The following POGLUT3 variants were observed in gnomAD, a reference collection of about 807,000 sequenced individuals.
POGLUT3 encodes the protein protein O-glucosyltransferase 3.
In POGLUT3, 48 loss-of-function variants were observed where a neutral mutation model predicts 54.3. The observed-to-expected ratio is 0.88, with a 90% CI of 0.70 to 1.12. The LOEUF (loss-of-function observed/expected upper bound fraction) is 1.12, where lower values mean the gene tolerates loss of function less well. POGLUT3 is among the 50% of genes most tolerant of loss of function. The pLI is 0.00. For missense variants in POGLUT3, 629 were observed against 618.7 expected, an observed-to-expected ratio of 1.02 and a Z score of -0.18; for synonymous variants, 218 against 237.4, an observed-to-expected ratio of 0.92 and a Z score of 0.75.
At position 108,481,986 on chromosome 11, in the gene POGLUT3, C is replaced by G; in HGVS notation, c.901+20G>C. The G allele has an allele frequency of 6.4e-7, 1 of 1,569,614 alleles. No homozygotes were observed. The highest frequency in any genetic ancestry group is 8.8e-7 in the Non-Finnish European group (1 of 1,141,192). ...TCTAAGCTTTTTCTTCATTAATTAG[C>G]CTTGCATTTCCCTGAATACCTGTAT... On this transcript the variant is annotated intron_variant, in intron 4 of 7. Coordinates refer to ENST00000323468, the MANE Select transcript of POGLUT3 (RefSeq NM_153705.5).
chr11:108,495,433 A>T (rs1413483212), intron 1 of POGLUT3, among the ~76,000 whole-genome samples: 1 of 152,204 alleles, frequency 6.6e-6, no homozygotes, highest in Non-Finnish European at 1.5e-5. Context: ...GGCCTCCCAA[A>T]GTGCTGAGAT....
chr11:108,481,495 A>C, intron 4 of POGLUT3, 119 bp from the exon 5 acceptor site: 21 of 769,916 alleles, frequency 2.7e-5, no homozygotes, highest in Non-Finnish European at 3.4e-5. Context: ...TTATCAACTC[A>C]TCTTCTAAAG....
chr11:108,486,567 A>C, intron 2 of POGLUT3, 127 bp from the exon 3 acceptor site: 1 of 890,826 alleles, frequency 1.1e-6, no homozygotes, highest in East Asian at 2.6e-5. Context: ...TAGACAAATC[A>C]GTGGTGTAAG....
intron 2 of POGLUT3, among the ~76,000 whole-genome samples, chr11:108,489,923 T>A (rs908796018): frequency 2.0e-5 from 3 of 152,074 alleles, no homozygotes; most frequent in African/African-American, 7.2e-5. Context: ...TCTCACTCTG[T>A]CCCCCAGGCC....
intron 4 of POGLUT3, 87 bp downstream of exon 4, chr11:108,481,919 T>C: frequency 1.0e-6 from 1 of 998,748 alleles, no homozygotes; most frequent in East Asian, 2.4e-5. Context: ...CTTTTTCTAA[T>C]ATGCTACTGA....
intron 1 of POGLUT3, among the ~76,000 whole-genome samples, chr11:108,497,602 G>T (rs1231336399): frequency 6.6e-6 from 1 of 152,198 alleles, no homozygotes; most frequent in African/African-American, 2.4e-5. Context: ...AGGGAAAACC[G>T]AATGATTTCT....
chr11:108,485,186 A>G (rs1047213981), intron 3 of POGLUT3, among the ~76,000 whole-genome samples: 1 of 152,196 alleles, frequency 6.6e-6, no homozygotes, highest in Non-Finnish European at 1.5e-5. Context: ...AAGCTTTGAC[A>G]AAATGTCCCA....
intron 3 of POGLUT3, among the ~76,000 whole-genome samples, chr11:108,482,508 C>T (rs190317935): frequency 1.3e-5 from 2 of 152,072 alleles, no homozygotes; most frequent in African/African-American, 4.8e-5. Context: ...AATCCCAGCA[C>T]TTTGGGAGGT....
chr11:108,483,511 T>G (rs534191251), intron 3 of POGLUT3, among the ~76,000 whole-genome samples: 6 of 152,058 alleles, frequency 3.9e-5, no homozygotes, highest in African/African-American at 1.2e-4. Flanking sequence ...CACCCCCACT[T>G]CCAAACAACA....
intron 6 of POGLUT3, 78 bp from the exon 7 acceptor site, chr11:108,477,789 A>T (rs754726407): frequency 1.1e-4 from 96 of 900,656 alleles, no homozygotes; most frequent in Non-Finnish European, 1.7e-4. Context: ...GTGAGGTGGG[A>T]CAGATGTGGG....
At chr11:108,492,973 T>C (rs2093615838) in intron 1 of POGLUT3, among the ~76,000 whole-genome samples, 1 of 152,232 alleles carries the variant, frequency 6.6e-6, no homozygotes, top group Non-Finnish European at 1.5e-5. Context: ...CCATTTTCAT[T>C]GCTCCCTCCC....
At chr11:108,477,267 T>G (rs1163788598) in intron 7 of POGLUT3, among the ~76,000 whole-genome samples, 1 of 152,108 alleles carries the variant, frequency 6.6e-6, no homozygotes, top group African/African-American at 2.4e-5. Flanking sequence ...CTGGGCATGG[T>G]GGCGTGTACC....
Position 108,482,072 on chromosome 11 carries a change from T to G in POGLUT3, c.835A>C (p.Thr279Pro). 6.2e-7 allele frequency: 1 copy of G among 1,614,134 alleles called. No homozygotes were observed. Among genetic ancestry groups the G allele is most frequent in the Non-Finnish European group, 8.5e-7 (1 of 1,180,020 alleles). The change falls in exon 4 of 8, where the codon ACC becomes CCC. Residue 279 changes from threonine to proline, a missense_variant. By Grantham distance (38) the Thr-to-Pro change is conservative. Coordinates refer to ENST00000323468, the MANE Select transcript of POGLUT3 (RefSeq NM_153705.5). ...RDVVLPTYDI[T>P]HSMLEAMRGV... ...CGCATGGCTTCAAGCATGGAGTGGGTGATGTCATACGTTGGAAGGACAACA... is the reference window on the plus strand; with the variant it reads ...CGCATGGCTTCAAGCATGGAGTGGGGGATGTCATACGTTGGAAGGACAACA...
Position 108,474,939 on chromosome 11 carries a change from C to T in POGLUT3, c.1412G>A (p.Arg471His), listed in dbSNP as rs773232256. 17 of 1,613,766 alleles carry T rather than the reference C, an allele frequency of 1.1e-5. No homozygotes were observed. The African/African-American group carries it at 1.1e-4, about 10-fold the overall frequency. The change falls in exon 8 of 8, where the codon CGC becomes CAC. Residue 471 changes from arginine to histidine, a missense_variant. Arg to His is a conservative substitution (Grantham distance 29, BLOSUM62 0). Coordinates refer to ENST00000323468, the MANE Select transcript of POGLUT3 (RefSeq NM_153705.5). ...ACGTACTTCGGGTTTGCTGGACTGG[C>T]GCTCGGCATATTTCTGAAACGTGGG... ...YYQVLQKYAE[R>H]QSSKPEVRDG...
intron 1 of POGLUT3, 22 bp downstream of exon 1, chr11:108,498,143 G>C: frequency 1.3e-6 from 2 of 1,492,504 alleles, no homozygotes; most frequent in Non-Finnish European, 1.8e-6. Flanking sequence ...CGGGACGAGG[G>C]AGGCCGGCGG....
intron 1 of POGLUT3, among the ~76,000 whole-genome samples, chr11:108,497,866 T>A (rs2093624997): frequency 6.6e-6 from 1 of 152,172 alleles, no homozygotes; most frequent in African/African-American, 2.4e-5. Context: ...GAAGGCAACG[T>A]GTGACTCACG....
intron 1 of POGLUT3, 141 bp downstream of exon 1, chr11:108,498,023 AG>A: frequency 1.6e-6 from 1 of 614,402 alleles, no homozygotes; most frequent in Non-Finnish European, 2.6e-6. Context: ...GGGCGGGAGG[AG>A]GGAAGAGGAG....
intron 1 of POGLUT3, among the ~76,000 whole-genome samples, chr11:108,494,072 C>T (rs1043640132): frequency 2.0e-5 from 3 of 152,068 alleles, no homozygotes; most frequent in African/African-American, 7.2e-5. Flanking sequence ...TTATTTCCTA[C>T]AAGAAATTTG....
intron 2 of POGLUT3, chr11:108,486,805 G>A (rs1368512526): frequency 5.1e-6 from 1 of 196,728 alleles, no homozygotes; most frequent in Non-Finnish European, 1.1e-5. Flanking sequence ...AAAATTCTAA[G>A]CCTCCTAGAC....
Sources: allele counts gnomAD v4.1 joint callset (sites outside exome capture counted in the v4.1 genomes callset), GRCh38; gene constraint gnomAD v4.1.1; transcripts MANE v1.5; gene names NCBI Gene and HGNC (gene_info 2026-07-23, HGNC 2026-07-21).